The following NCKAP5 variants were observed in gnomAD, a reference collection of about 807,000 sequenced individuals.
NCKAP5 encodes nck-associated protein 5.
NCKAP5 carries 92 observed loss-of-function variants against 167.0 expected under a neutral mutation model. That is an observed-to-expected ratio of 0.55 (90% CI 0.47 to 0.66). NCKAP5 has a LOEUF of 0.66. Among genes scored for constraint, NCKAP5 ranks in the 30% least tolerant of loss-of-function variants. The probability of loss-of-function intolerance (pLI) is 0.00; values close to 1 mark genes in which losing one functional copy is unlikely to be tolerated. For missense variants in NCKAP5, 2,378 were observed against 2,315.0 expected, an observed-to-expected ratio of 1.03 and a Z score of -0.56; for synonymous variants, 891 against 877.4, an observed-to-expected ratio of 1.02 and a Z score of -0.27.
At chr2:132,827,353 A>C (rs1258548810) in intron 11 of NCKAP5, among the ~76,000 whole-genome samples, 1 of 152,062 alleles carries the variant, frequency 6.6e-6, no homozygotes, top group Non-Finnish European at 1.5e-5. Context: ...CCATTTGTAG[A>C]TCCTTTTTGG....
intron 8 of NCKAP5, among the ~76,000 whole-genome samples, chr2:132,895,921 G>A (rs1693165354): frequency 6.6e-6 from 1 of 152,128 alleles, no homozygotes; most frequent in Admixed American, 6.5e-5. Context: ...GATCACCTGA[G>A]GTCAGGAGTT....
rs1028632459 is a variant in NCKAP5, at chr2:132,765,226, G to A, written c.5128+8590C>T. ...GTGATCGTTCAAATTATGCAAAATA[G>A]GAACTATGCATAAATCACTGAAATC... On this transcript the variant is annotated intron_variant, in intron 16 of 19. Coordinates refer to ENST00000409261, the MANE Select transcript of NCKAP5 (RefSeq NM_207363.3). Among the ~76,000 whole-genome samples, 4 of 151,768 alleles carry A rather than the reference G, an allele frequency of 2.6e-5. 1 individual carries two copies. Among genetic ancestry groups the A allele is most frequent in the African/African-American group, 9.7e-5 (4 of 41,330 alleles).
chr2:133,491,874 A>G (rs1244301337), intron 3 of NCKAP5, among the ~76,000 whole-genome samples: 1 of 152,164 alleles, frequency 6.6e-6, no homozygotes, highest in Admixed American at 6.5e-5. Flanking sequence ...TAATTTGTTT[A>G]TTTCTGTTGA....
intron 6 of NCKAP5, among the ~76,000 whole-genome samples, chr2:133,066,617 C>T (rs993996804): frequency 6.6e-6 from 1 of 152,080 alleles, no homozygotes; most frequent in Admixed American, 6.5e-5. Flanking sequence ...TTCCATTACA[C>T]AGAATAAAAG....
chr2:133,064,086 G>T (rs758288894), intron 6 of NCKAP5, among the ~76,000 whole-genome samples: 2 of 152,160 alleles, frequency 1.3e-5, no homozygotes, highest in Non-Finnish European at 2.9e-5. Flanking sequence ...TCCTCACAGA[G>T]GTGCTGAGGA....
chr2:133,196,639 A>G (rs2085450257), intron 5 of NCKAP5, among the ~76,000 whole-genome samples: 1 of 152,166 alleles, frequency 6.6e-6, no homozygotes, highest in South Asian at 2.1e-4. Flanking sequence ...AGTTCCGCTG[A>G]ACCAGCAGTG....
intron 4 of NCKAP5, among the ~76,000 whole-genome samples, chr2:133,252,588 A>G (rs1213966797): frequency 2.6e-5 from 4 of 152,102 alleles, no homozygotes; most frequent in African/African-American, 7.2e-5. Context: ...TTAAACTCCA[A>G]TGGCATGTTT....
intron 5 of NCKAP5, among the ~76,000 whole-genome samples, chr2:133,195,331 T>A (rs981863961): frequency 6.6e-6 from 1 of 152,048 alleles, no homozygotes; most frequent in Non-Finnish European, 1.5e-5. Context: ...AAGAATTGAG[T>A]GAAAGCACTT....
At chr2:132,710,241 A>C (rs1688720465) in intron 19 of NCKAP5, among the ~76,000 whole-genome samples, 1 of 152,230 alleles carries the variant, frequency 6.6e-6, no homozygotes, top group Non-Finnish European at 1.5e-5. Flanking sequence ...TGATTAAGTT[A>C]ATCTACCCCA....
chr2:133,030,235 G>A (rs143197191), intron 6 of NCKAP5, among the ~76,000 whole-genome samples: 48 of 152,298 alleles, frequency 3.2e-4, no homozygotes, highest in African/African-American at 1.1e-3. Context: ...GGGGTCACAG[G>A]GGCCATCTCA....
intron 8 of NCKAP5, among the ~76,000 whole-genome samples, chr2:132,961,293 A>T (rs1036996918): frequency 7.0e-6 from 1 of 143,090 alleles, no homozygotes; most frequent in Non-Finnish European, 1.5e-5. Flanking sequence ...ATTGAATTAC[A>T]TGTATGACAA....
At chr2:132,745,619 G>T (rs575961355) in intron 16 of NCKAP5, among the ~76,000 whole-genome samples, 2 of 151,964 alleles carry the variant, frequency 1.3e-5, no homozygotes, top group South Asian at 2.1e-4. Flanking sequence ...GTAAGGAAAA[G>T]AAATAAAAGG....
the NCKAP5 span, among the ~76,000 whole-genome samples, chr2:133,635,335 C>T: frequency 8.6e-4 from 131 of 152,284 alleles, no homozygotes; most frequent in African/African-American, 3.1e-3. Flanking sequence ...TATATTCATT[C>T]ACTTCCTCCA....
intron 4 of NCKAP5, among the ~76,000 whole-genome samples, chr2:133,285,986 T>G (rs1026802463): frequency 6.6e-6 from 1 of 151,996 alleles, no homozygotes; most frequent in Non-Finnish European, 1.5e-5. Context: ...TATTACTAAT[T>G]CTTCTGTGAC....
the NCKAP5 span, among the ~76,000 whole-genome samples, chr2:133,598,405 C>G: frequency 6.6e-6 from 1 of 152,172 alleles, no homozygotes; most frequent in African/African-American, 2.4e-5. Flanking sequence ...TATGGTACCT[C>G]AAATTGAGGA....
chr2:132,993,647 C>A (rs1012417370), intron 7 of NCKAP5, among the ~76,000 whole-genome samples: 2 of 152,202 alleles, frequency 1.3e-5, no homozygotes, highest in Non-Finnish European at 2.9e-5. Context: ...TCTGGAGATG[C>A]TTATTCTCCA....
chr2:133,018,915 T>C (rs1254228323), intron 6 of NCKAP5, among the ~76,000 whole-genome samples: 2 of 152,198 alleles, frequency 1.3e-5, no homozygotes, highest in African/African-American at 4.8e-5. Flanking sequence ...CTTTCTACCC[T>C]TTAGCCTTGT....
At chr2:133,416,684 T>G (rs940992085) in intron 3 of NCKAP5, among the ~76,000 whole-genome samples, 5 of 152,194 alleles carry the variant, frequency 3.3e-5, no homozygotes, top group African/African-American at 1.2e-4. Flanking sequence ...AGGTTCACAT[T>G]GTACTGAAAT....
chr2:133,626,419 T>C, the NCKAP5 span, among the ~76,000 whole-genome samples: 1 of 152,154 alleles, frequency 6.6e-6, no homozygotes, highest in East Asian at 1.9e-4. Context: ...TAAAAAACTT[T>C]ATAGGATAGA....
Sources: allele counts gnomAD v4.1 joint callset (sites outside exome capture counted in the v4.1 genomes callset), GRCh38; gene constraint gnomAD v4.1.1; transcripts MANE v1.5; gene names NCBI Gene and HGNC (gene_info 2026-07-23, HGNC 2026-07-21).